Variants in SGCZ observed in about 807,000 individuals in gnomAD.
SGCZ encodes sarcoglycan zeta, also known as zeta-sarcoglycan.
In SGCZ, 40 loss-of-function variants were observed where a neutral mutation model predicts 41.3. The ratio of observed to expected loss-of-function variants is 0.97; its 90% CI spans 0.75 to 1.26. SGCZ has a LOEUF of 1.26. Ranked by LOEUF, SGCZ falls within the 50% of genes most tolerant of loss-of-function variation. The pLI is 0.00. For synonymous variants in SGCZ, 206 were observed against 137.5 expected (o/e 1.50, Z -3.49); for missense variants, 552 against 369.8 (o/e 1.49, Z -4.04).
At chr8:14,719,779 T>A (rs10091341) in intron 1 of SGCZ, among the ~76,000 whole-genome samples, 54,651 of 151,242 alleles carry the variant, frequency 0.36, 11,903 homozygotes, top group African/African-American at 0.6. Flanking sequence ...AGTAGGTTGC[T>A]AAAATTTTCT....
intron 1 of SGCZ, among the ~76,000 whole-genome samples, chr8:14,992,591 T>A (rs181354090): frequency 1.3e-5 from 2 of 150,222 alleles, no homozygotes; most frequent in South Asian, 2.1e-4. Context: ...TCATCCAATA[T>A]ACTCCCAAAT....
rs113536498 is a variant in SGCZ, at chr8:14,695,695, GCACA to G, written c.40-140773_40-140770del. ...ATTTACACAAATTAAACATGCACAC[GCACA>G]CACACACACACACAAACCAACAATA... On this transcript the variant is annotated intron_variant, in intron 1 of 7. Transcript: ENST00000382080. Among the ~76,000 whole-genome samples the G allele has an allele frequency of 4.8e-5, 6 of 124,938 alleles. No individual in the cohort carries two copies. The South Asian group carries it at 8.5e-4, about 18-fold the overall frequency. 82.0% of individuals were successfully genotyped at this position (124,938 alleles called of 152,430 possible).
chr8:14,290,051 T>G (rs753386517), intron 3 of SGCZ, among the ~76,000 whole-genome samples: 42 of 152,136 alleles, frequency 2.8e-4, no homozygotes, highest in Non-Finnish European at 5.3e-4. Context: ...GCTGCCTCCA[T>G]GACCCAGTCA....
intron 1 of SGCZ, among the ~76,000 whole-genome samples, chr8:14,879,593 CAG>C (rs1804502210): frequency 9.8e-6 from 1 of 102,340 alleles, no homozygotes; most frequent in South Asian, 3.0e-4. Flanking sequence ...CACAGACACA[CAG>C]ACACACACAC....
intron 1 of SGCZ, among the ~76,000 whole-genome samples, chr8:15,115,466 A>C (rs572788676): frequency 1.2e-3 from 182 of 152,224 alleles, no homozygotes; most frequent in Non-Finnish European, 2.3e-3. Flanking sequence ...AGAGTCCAGA[A>C]ACTCAAGACA....
intron 1 of SGCZ, among the ~76,000 whole-genome samples, chr8:14,589,150 G>A (rs563147262): frequency 6.6e-5 from 10 of 152,022 alleles, no homozygotes; most frequent in African/African-American, 1.2e-4. Context: ...AAACCTGCAC[G>A]TTGTGCACAT....
chr8:14,430,432 C>G (rs1412048394), intron 2 of SGCZ, among the ~76,000 whole-genome samples: 1 of 152,030 alleles, frequency 6.6e-6, no homozygotes, highest in Admixed American at 6.6e-5. Context: ...TAAACAGAAT[C>G]AAAACCAAAA....
chr8:14,611,686 T>C (rs750546516), intron 1 of SGCZ, among the ~76,000 whole-genome samples: 5 of 152,196 alleles, frequency 3.3e-5, no homozygotes, highest in Non-Finnish European at 7.3e-5. Flanking sequence ...GCAAAATTTG[T>C]GCAAGATTTT....
At chr8:14,632,769 A>G (rs945089164) in intron 1 of SGCZ, among the ~76,000 whole-genome samples, 2 of 152,174 alleles carry the variant, frequency 1.3e-5, no homozygotes, top group Middle Eastern at 6.8e-3. Flanking sequence ...ATATTGATTT[A>G]AAGTCAAAGT....
chr8:15,125,414 C>A (rs1245437582), intron 1 of SGCZ, among the ~76,000 whole-genome samples: 2 of 152,048 alleles, frequency 1.3e-5, no homozygotes, highest in Non-Finnish European at 1.5e-5. Flanking sequence ...TGAATTCCTC[C>A]TGGGAAAGTA....
At chr8:14,437,009 A>T (rs1585511317) in intron 2 of SGCZ, among the ~76,000 whole-genome samples, 1 of 151,556 alleles carries the variant, frequency 6.6e-6, no homozygotes, top group African/African-American at 2.4e-5. Context: ...AAATAGATTC[A>T]TCCTTTACCA....
intron 2 of SGCZ, among the ~76,000 whole-genome samples, chr8:14,395,080 T>C (rs1039244762): frequency 6.6e-6 from 1 of 152,192 alleles, no homozygotes; most frequent in East Asian, 1.9e-4. Context: ...ATAGGCAAAG[T>C]ACTTAAAACT....
Position 14,090,544 on chromosome 8 carries a change from C to T in SGCZ, c.838G>A (p.Val280Met). The T allele has an allele frequency of 6.2e-7, 1 of 1,613,100 alleles. No homozygotes were observed. The highest frequency in any genetic ancestry group is 8.5e-7 in the Non-Finnish European group (1 of 1,179,420). Residue 280 changes from valine to methionine, a missense_variant, in exon 8 of 8, where the codon GTG becomes ATG. Transcript: ENST00000382080. ...SPSSSSSRQT[V>M]YELCVCPNGK... ...TTGGGGCAGACGCAGAGTTCATACA[C>T]TGTCTGTCGAGAACTTGAGGAGCTG... is the stretch of plus-strand genomic sequence containing the variant.
At chr8:14,194,020 A>G (rs1805188861) in intron 4 of SGCZ, among the ~76,000 whole-genome samples, 1 of 151,862 alleles carries the variant, frequency 6.6e-6, no homozygotes, top group Non-Finnish European at 1.5e-5. Context: ...ATGATGGGAC[A>G]ATAGTTTTTT....
At chr8:15,111,551 T>G in intron 1 of SGCZ, among the ~76,000 whole-genome samples, 1 of 152,096 alleles carries the variant, frequency 6.6e-6, no homozygotes, top group Non-Finnish European at 1.5e-5. Context: ...AATGGGACCT[T>G]GAGCCACTCA....
At chr8:15,152,406 C>A (rs1563153356) in intron 1 of SGCZ, among the ~76,000 whole-genome samples, 2 of 152,130 alleles carry the variant, frequency 1.3e-5, no homozygotes, top group African/African-American at 2.4e-5. Flanking sequence ...AGAAAATTAA[C>A]AGGAAATAAA....
intron 2 of SGCZ, among the ~76,000 whole-genome samples, chr8:14,333,682 G>A (rs1802413547): frequency 6.6e-6 from 1 of 152,066 alleles, no homozygotes; most frequent in Non-Finnish European, 1.5e-5. Context: ...TTTGGTCAAT[G>A]GGTCCTCCCC....
intron 1 of SGCZ, among the ~76,000 whole-genome samples, chr8:14,718,581 T>C (rs1809774908): frequency 6.6e-6 from 1 of 151,996 alleles, no homozygotes; most frequent in African/African-American, 2.4e-5. Flanking sequence ...TAGTAAACTA[T>C]ACATAGCCTA....
At chr8:15,005,931 G>A (rs1001488828) in intron 1 of SGCZ, among the ~76,000 whole-genome samples, 14 of 152,138 alleles carry the variant, frequency 9.2e-5, no homozygotes, top group African/African-American at 3.1e-4. Flanking sequence ...AAAACGGAAT[G>A]AGAAATTCTT....
Sources: allele counts gnomAD v4.1 joint callset (sites outside exome capture counted in the v4.1 genomes callset), GRCh38; gene constraint gnomAD v4.1.1; transcripts MANE v1.5; gene names NCBI Gene and HGNC (gene_info 2026-07-23, HGNC 2026-07-21).